ABCB1: variants seen among roughly 807,000 people sequenced by gnomAD.
ABCB1 encodes ATP-dependent translocase ABCB1.
Under a neutral mutation model 142.0 loss-of-function variants are expected in ABCB1, and 69 were observed. That is an observed-to-expected ratio of 0.49 (90% CI 0.40 to 0.59). ABCB1 has a LOEUF of 0.59. Among genes scored for constraint, ABCB1 ranks in the 20% least tolerant of loss-of-function variants. The pLI, the probability that ABCB1 is intolerant of heterozygous loss-of-function variation, is 0.00. For synonymous variants in ABCB1, 532 were observed against 539.2 expected, an observed-to-expected ratio of 0.99 and a Z score of 0.18; for missense variants, 1,326 against 1,554.7, an observed-to-expected ratio of 0.85 and a Z score of 2.47.
intron 9 of ABCB1, 40 bp from the exon 10 acceptor site, chr7:87,550,878 G>A (rs201120965): frequency 7.6e-7 from 1 of 1,317,000 alleles, no homozygotes; most frequent in South Asian, 1.2e-5. Context: ...TACTGAGATA[G>A]TGACAGCAAT....
rs531569409 is a variant in ABCB1, at chr7:87,530,642, TA to T, written c.2685+651del. ...AAATAGGATGAAGGGAGGAGCATGA[TA>T]AAAAAAAAGAAAGAGTGGTAGTAAT... On this transcript the variant is annotated intron_variant, in intron 21 of 27. Coordinates refer to ENST00000622132, the MANE Select transcript of ABCB1 (RefSeq NM_001348946.2). Among the ~76,000 whole-genome samples the T allele has an allele frequency of 6.8e-3, 1,016 of 150,048 alleles. 8 individuals carry two copies. Among genetic ancestry groups the T allele is most frequent in the African/African-American group, 0.021 (871 of 40,888 alleles).
chr7:87,585,596 T>C lies in ABCB1; in HGVS notation c.202A>G (p.Met68Val), dbSNP rs865799545. 16 of 1,613,894 alleles carry C rather than the reference T, an allele frequency of 9.9e-6. No homozygotes were observed. The African/African-American group carries it at 1.5e-4, about 15-fold the overall frequency. The part of the protein sequence containing the change: ...AIIHGAGLPL[M>V]MLVFGEMTDI... ...GTCATTTCTCCAAACACCAGCATCA[T>C]GAGAGGAAGTCCAGCCCCATGGATG... The change falls in exon 4 of 28, where the codon ATG becomes GTG. Residue 68 changes from methionine to valine, a missense_variant. Met to Val is a conservative substitution (Grantham distance 21, BLOSUM62 1). Transcript: ENST00000622132.
At chr7:87,693,844 C>A (rs1828234659) in intron 1 of ABCB1, 1 of 1,533,062 alleles carries the variant, frequency 6.5e-7, no homozygotes, top group Non-Finnish European at 8.9e-7. Context: ...CAGTTTGGAA[C>A]TGTAAACATG....
At chr7:87,681,700 G>A (rs900460282) in intron 1 of ABCB1, among the ~76,000 whole-genome samples, 2 of 139,612 alleles carry the variant, frequency 1.4e-5, no homozygotes, top group Non-Finnish European at 3.1e-5. Flanking sequence ...GAAGGATGGG[G>A]TGGATATGAC....
At chr7:87,710,270 T>A (rs1228230896) in intron 1 of ABCB1, among the ~76,000 whole-genome samples, 1 of 152,182 alleles carries the variant, frequency 6.6e-6, no homozygotes, top group Non-Finnish European at 1.5e-5. Flanking sequence ...ATATCTTATA[T>A]AATTACATCA....
rs1232125459 is a variant in ABCB1 at position 87,536,558 on chromosome 7, G to A, written c.2398-17C>T. ...ACTCACATCCTGTGGCACAGAAAAT[G>A]ATTTTATTACCTTAAAGCTGTTTAT... On this transcript the variant is annotated splice_polypyrimidine_tract_variant and intron_variant, in intron 19 of 27. Transcript: ENST00000622132. 15 of 1,612,968 alleles carry A rather than the reference G, an allele frequency of 9.3e-6. No individual in the cohort carries two copies. Among genetic ancestry groups the A allele is most frequent in the Non-Finnish European group, 1.3e-5 (15 of 1,179,202 alleles).
At chr7:87,691,587 C>T (rs1828019214) in intron 1 of ABCB1, among the ~76,000 whole-genome samples, 1 of 152,022 alleles carries the variant, frequency 6.6e-6, no homozygotes, top group Admixed American at 6.5e-5. Context: ...ACAAACAAGC[C>T]CTGGGCCACT....
At chr7:87,650,915 G>T (rs748833167) in intron 1 of ABCB1, 1 of 1,608,350 alleles carries the variant, frequency 6.2e-7, no homozygotes, top group Non-Finnish European at 8.5e-7. Flanking sequence ...TTTTGGAACA[G>T]ATTTTAAGCC....
intron 1 of ABCB1, among the ~76,000 whole-genome samples, chr7:87,626,613 T>C (rs571089660): frequency 1.3e-4 from 1 of 7,620 alleles, no homozygotes; most frequent in Non-Finnish European, 2.0e-4. Flanking sequence ...ATATGTGTCA[T>C]ATATATGTGT....
rs780701513 is a variant in ABCB1, at chr7:87,531,339, A to G, written c.2640T>C (p.Ser880=). 1 of 1,613,486 alleles carries G rather than the reference A, an allele frequency of 6.2e-7. No individual in the cohort carries two copies. The highest frequency in any genetic ancestry group is 1.1e-5 in the South Asian group (1 of 91,074). Residue 880 remains serine (S), a synonymous_variant, in exon 21 of 28, where the codon TCT becomes TCC. Transcript: ENST00000622132. ...IAGVVEMKML[S]GQALKDKKEL... ...CTTTCTTATCTTTCAGTGCTTGTCC[A>G]GACAACATTTTCATTTCAACAACTC...
chr7:87,702,395 C>T (rs1309011840), intron 1 of ABCB1, among the ~76,000 whole-genome samples: 2 of 151,956 alleles, frequency 1.3e-5, no homozygotes, highest in African/African-American at 4.8e-5. Flanking sequence ...CCTCCAACCT[C>T]AGCTTCCTGA....
At chr7:87,652,029 A>T (rs1295886944) in intron 1 of ABCB1, among the ~76,000 whole-genome samples, 1 of 152,102 alleles carries the variant, frequency 6.6e-6, no homozygotes, top group Non-Finnish European at 1.5e-5. Context: ...TAAAATTTTT[A>T]TAAAAGCAAA....
chr7:87,618,046 C>T (rs1305076816), intron 1 of ABCB1, among the ~76,000 whole-genome samples: 3 of 152,182 alleles, frequency 2.0e-5, no homozygotes, highest in African/African-American at 7.2e-5. Context: ...ACCTAGTTCA[C>T]TCCTATTCTT....
At chr7:87,524,334 CA>C (rs1815681968) in intron 21 of ABCB1, among the ~76,000 whole-genome samples, 2 of 152,194 alleles carry the variant, frequency 1.3e-5, no homozygotes, top group Middle Eastern at 3.4e-3. Context: ...ACTTCTTTTA[CA>C]CATTATAAAA....
At chr7:87,551,658 T>TC (rs1449658643) in intron 9 of ABCB1, among the ~76,000 whole-genome samples, 1 of 134,654 alleles carries the variant, frequency 7.4e-6, no homozygotes, top group African/African-American at 2.6e-5. Flanking sequence ...ATCTGGCTAA[T>TC]TAAAAAAAAA....
intron 1 of ABCB1, among the ~76,000 whole-genome samples, chr7:87,641,279 C>A (rs941789247): frequency 6.6e-6 from 1 of 152,134 alleles, no homozygotes; most frequent in Non-Finnish European, 1.5e-5. Context: ...AGAAAGATAT[C>A]GCCAACAGTT....
chr7:87,686,524 A>G (rs1445727945), intron 1 of ABCB1, among the ~76,000 whole-genome samples: 1 of 152,224 alleles, frequency 6.6e-6, no homozygotes, highest in Admixed American at 6.5e-5. Context: ...CACATAGATT[A>G]AGAAAAATAG....
At chr7:87,564,039 C>T (rs1817688180) in intron 7 of ABCB1, 4 of 319,740 alleles carry the variant, frequency 1.3e-5, no homozygotes, top group African/African-American at 2.2e-5. Flanking sequence ...AGGAGGGAGA[C>T]AGTCATTAAA....
intron 4 of ABCB1, among the ~76,000 whole-genome samples, chr7:87,574,267 G>A (rs778474052): frequency 2.6e-5 from 4 of 152,040 alleles, no homozygotes; most frequent in Non-Finnish European, 5.9e-5. Flanking sequence ...AGAGCTTGAC[G>A]GAATGCCTAT....
Sources: gnomAD v4.1 joint callset for allele counts (sites outside exome capture counted in the v4.1 genomes callset) on GRCh38, gnomAD v4.1.1 for gene constraint, MANE v1.5 for transcripts, NCBI Gene and HGNC (gene_info 2026-07-23, HGNC 2026-07-21) for gene names.